The following KYAT3 variants were observed in gnomAD, a reference collection of about 807,000 sequenced individuals.
The protein encoded by KYAT3 is kynurenine aminotransferase 3, also known as kynurenine--oxoglutarate transaminase 3.
A neutral mutation model predicts 59.0 loss-of-function variants in KYAT3; 50 were observed. The observed-to-expected ratio is 0.85, with a 90% CI of 0.68 to 1.07. KYAT3 has a LOEUF of 1.07. Among genes scored for constraint, KYAT3 ranks in the 50% least tolerant of loss-of-function variants. KYAT3 has a pLI of 0.00. For missense variants in KYAT3, 497 were observed against 533.3 expected, an observed-to-expected ratio of 0.93 and a Z score of 0.67; for synonymous variants, 148 against 177.0, an observed-to-expected ratio of 0.84 and a Z score of 1.30.
rs751736664 is a variant in KYAT3 at position 88,970,768 on chromosome 1, T to TA, written c.100-1302dup. On this transcript the variant is annotated intron_variant, in intron 2 of 13. Coordinates refer to ENST00000260508, the MANE Select transcript of KYAT3 (RefSeq NM_001008661.3). The stretch of plus-strand genomic sequence containing the variant: ...TTCATTGTTAACAAGCTGGTAGAAA[T>TA]AAAAAAATGATTGACAGCATTTTTG... 2.6e-5 allele frequency among the ~76,000 whole-genome samples: 4 copies of TA among 152,092 alleles called. No homozygotes were observed. The East Asian group carries it at 7.7e-4, about 29-fold the overall frequency.
At chr1:88,992,714 G>T (rs1038745483), upstream of KYAT3, 3 of 152,428 alleles carry the variant, frequency 2.0e-5, no homozygotes, top group Non-Finnish European at 4.4e-5. Flanking sequence ...CACTCAGTGC[G>T]CGCTTTGGCG....
chr1:88,942,986 A>C lies in KYAT3; in HGVS notation c.1302+19T>G, dbSNP rs770869008. On this transcript the variant is annotated intron_variant, in intron 13 of 13. Coordinates refer to ENST00000260508, the MANE Select transcript of KYAT3 (RefSeq NM_001008661.3). ...ATGAAGATACTATATATGTGTTTTC[A>C]ATAGAGCAGGGAACTTACTTTAATG... The C allele has an allele frequency of 4.5e-6, 7 of 1,540,840 alleles. No homozygotes were observed. Among genetic ancestry groups the C allele is most frequent in the Admixed American group, 1.7e-5 (1 of 59,572 alleles).
intron 12 of KYAT3, 59 bp downstream of exon 12, chr1:88,943,291 T>A: frequency 8.9e-7 from 1 of 1,127,600 alleles, no homozygotes; most frequent in East Asian, 2.4e-5. Flanking sequence ...ACCAGCAGAT[T>A]TCCTTCAAAA....
Position 88,968,653 on chromosome 1 carries a change from G to A in KYAT3, c.303+17C>T. On this transcript the variant is annotated intron_variant, in intron 4 of 13. Coordinates refer to ENST00000260508, the MANE Select transcript of KYAT3 (RefSeq NM_001008661.3). ...TAAAATAAAAGCTCATGGCCCATAT[G>A]GTCTTGATATACTTACAAAGCCTCG... 2 of 1,537,994 alleles carry A rather than the reference G, an allele frequency of 1.3e-6. No homozygotes were observed. Among genetic ancestry groups the A allele is most frequent in the East Asian group, 2.4e-5 (1 of 41,602 alleles).
chr1:88,966,983 T>C (rs1676373665), intron 4 of KYAT3, among the ~76,000 whole-genome samples: 1 of 152,114 alleles, frequency 6.6e-6, no homozygotes, highest in Non-Finnish European at 1.5e-5. Flanking sequence ...ATTGCAATGA[T>C]TAATTTTTGG....
chr1:88,943,814 C>A (rs1483563823), intron 11 of KYAT3, among the ~76,000 whole-genome samples: 4 of 152,200 alleles, frequency 2.6e-5, no homozygotes, highest in African/African-American at 7.2e-5. Context: ...TATATCTCCA[C>A]ATAGCCACTC....
In KYAT3 at chr1:88,991,983, G is replaced by GTTT. The variant is rs10638041; in HGVS notation, c.-2+599_-2+601dup. ...ACGTAACAGCCTTGGTATTCTTTTGGTTTTTTTTTTTTTGAGACGGAGTCT... is the reference window on the plus strand; with the variant it reads ...ACGTAACAGCCTTGGTATTCTTTTGGTTTTTTTTTTTTTTTTGAGACGGAGTCT... On this transcript the variant is annotated intron_variant, in intron 1 of 13. Coordinates refer to ENST00000260508, the MANE Select transcript of KYAT3 (RefSeq NM_001008661.3). 7.8e-4 allele frequency among the ~76,000 whole-genome samples: 113 copies of GTTT among 144,788 alleles called. 4 individuals are homozygous for GTTT. Among genetic ancestry groups the GTTT allele is most frequent in the Admixed American group, 1.4e-3 (20 of 14,638 alleles). The allele number at this position is 144,788 out of a possible 152,430, so 95.0% of individuals were successfully genotyped here. A position where few individuals can be genotyped will look rare whatever the true frequency, so the allele number is the denominator to read the frequency against.
chr1:88,949,380 G>A, intron 10 of KYAT3, 103 bp from the exon 11 acceptor site: 1 of 773,702 alleles, frequency 1.3e-6, no homozygotes, highest in Middle Eastern at 2.4e-4. Flanking sequence ...AAAATTATTG[G>A]CAAAGAAGTC....
chr1:88,948,538 C>T (rs1442328980), intron 11 of KYAT3, among the ~76,000 whole-genome samples: 3 of 152,148 alleles, frequency 2.0e-5, no homozygotes, highest in Non-Finnish European at 2.9e-5. Flanking sequence ...TTCAGGGAAG[C>T]TATTTAAAAC....
At chr1:88,929,143 C>G in the KYAT3 span, among the ~76,000 whole-genome samples, 1 of 152,068 alleles carries the variant, frequency 6.6e-6, no homozygotes, top group Non-Finnish European at 1.5e-5. Context: ...GCAGTACCCC[C>G]TTAGACCCGA....
intron 2 of KYAT3, among the ~76,000 whole-genome samples, chr1:88,986,502 G>C (rs1271422994): frequency 6.6e-6 from 1 of 151,566 alleles, no homozygotes. Context: ...ATGTTGCCCA[G>C]GCTGGTCTTG....
chr1:88,956,046 C>G (rs1675900551), intron 8 of KYAT3, among the ~76,000 whole-genome samples: 1 of 152,158 alleles, frequency 6.6e-6, no homozygotes, highest in Admixed American at 6.5e-5. Flanking sequence ...AGCTATCACT[C>G]TTTAATATCC....
chr1:88,943,165 TA>T, intron 12 of KYAT3, 74 bp from the exon 13 acceptor site: 1 of 1,170,342 alleles, frequency 8.5e-7, no homozygotes. Flanking sequence ...CTACAGATAC[TA>T]GAGGCAACTA....
intron 13 of KYAT3, among the ~76,000 whole-genome samples, chr1:88,937,567 T>A (rs1675086614): frequency 6.6e-6 from 1 of 152,202 alleles, no homozygotes; most frequent in African/African-American, 2.4e-5. Flanking sequence ...AATAAATTGC[T>A]TAATGAGATA....
At chr1:88,949,789 G>A (rs574094718) in intron 10 of KYAT3, among the ~76,000 whole-genome samples, 1 of 152,304 alleles carries the variant, frequency 6.6e-6, no homozygotes, top group East Asian at 1.9e-4. Context: ...AAGTGTAAGA[G>A]GGACTAGAAA....
intron 2 of KYAT3, among the ~76,000 whole-genome samples, chr1:88,974,388 T>C (rs12402139): frequency 0.027 from 4,073 of 152,108 alleles, 152 homozygotes; most frequent in African/African-American, 0.078. Context: ...TTTTGTGCCA[T>C]ATTTTACTCA....
intron 13 of KYAT3, among the ~76,000 whole-genome samples, chr1:88,940,147 G>A (rs946313399): frequency 2.6e-5 from 4 of 152,068 alleles, no homozygotes; most frequent in African/African-American, 9.7e-5. Context: ...TCAGCTCATT[G>A]CAACCTCTGC....
At chr1:88,974,469 C>CTTTTTTTTTTTTT (rs71084932) in intron 2 of KYAT3, among the ~76,000 whole-genome samples, 1 of 69,660 alleles carries the variant, frequency 1.4e-5, no homozygotes, top group Non-Finnish European at 2.5e-5. Context: ...GTGTCTCTCT[C>CTTTTTTTTTTTTT]TTTTTTTTTT....
chr1:88,956,118 C>A (rs1013885029), intron 8 of KYAT3, among the ~76,000 whole-genome samples: 1 of 152,188 alleles, frequency 6.6e-6, no homozygotes, highest in East Asian at 1.9e-4. Flanking sequence ...TAAGGAACAT[C>A]ACAGCCTTCT....
Sources: gnomAD v4.1 joint callset for allele counts (sites outside exome capture counted in the v4.1 genomes callset) on GRCh38, gnomAD v4.1.1 for gene constraint, MANE v1.5 for transcripts, NCBI Gene and HGNC (gene_info 2026-07-23, HGNC 2026-07-21) for gene names.